The following PDHX variants were observed in gnomAD, a reference collection of about 807,000 sequenced individuals.
PDHX encodes the protein pyruvate dehydrogenase complex component X, also known as pyruvate dehydrogenase protein X component, mitochondrial.
Under a neutral mutation model 55.3 loss-of-function variants are expected in PDHX, and 33 were observed. That is an observed-to-expected ratio of 0.60 (90% CI 0.45 to 0.80). PDHX has a LOEUF of 0.80. Among genes scored for constraint, PDHX ranks in the 30% least tolerant of loss-of-function variants. The pLI is 0.00. For synonymous variants in PDHX, 226 were observed against 219.4 expected (o/e 1.03, Z -0.27); for missense variants, 622 against 619.9 (o/e 1.00, Z -0.04).
intron 7 of PDHX, among the ~76,000 whole-genome samples, chr11:34,974,205 T>G (rs772737864): frequency 3.3e-5 from 5 of 152,222 alleles, no homozygotes; most frequent in Admixed American, 6.5e-5. Flanking sequence ...ATCACCATTC[T>G]TCTTTCTGTT....
At position 34,995,261 on chromosome 11, in the gene PDHX, T is replaced by G. The variant is rs1855837460; in HGVS notation, c.*89T>G. ...TGTTATAGGAAAACAACTTGGTATT[T>G]AAGTATGAAGTGGATGAAATGTTTA... is the stretch of plus-strand genomic sequence containing the variant. On this transcript the variant is annotated 3_prime_UTR_variant, in exon 11 of 11. Coordinates refer to ENST00000227868, the MANE Select transcript of PDHX (RefSeq NM_003477.3). 2 of 1,395,674 alleles carry G rather than the reference T, an allele frequency of 1.4e-6. No individual in the cohort carries two copies. Among genetic ancestry groups the G allele is most frequent in the East Asian group, 4.6e-5 (2 of 43,758 alleles). The allele number at this position is 1,395,674 out of a possible 1,614,324, so 86.5% of individuals were successfully genotyped here. A position where few individuals can be genotyped will look rare whatever the true frequency, so the allele number is the denominator to read the frequency against.
intron 2 of PDHX, among the ~76,000 whole-genome samples, chr11:34,940,151 G>A (rs753005701): frequency 6.6e-6 from 1 of 152,028 alleles, no homozygotes. Flanking sequence ...CTGCTCTGCC[G>A]TGAAGCACTA....
chr11:34,995,107 G>C lies in PDHX; in HGVS notation c.1441G>C (p.Glu481Gln). ...MSSDSRVVDD[E>Q]LATRFLKSFK... ...AAGTGACAGTCGAGTGGTTGATGAC[G>C]AACTGGCAACCAGGTTTCTTAAAAG... Residue 481 changes from glutamate to glutamine, a missense_variant, in exon 11 of 11, where the codon GAA (glutamate) becomes CAA (glutamine). Physicochemically the swap from Glu to Gln is conservative, Grantham distance 29 (BLOSUM62 2). Coordinates refer to ENST00000227868, the MANE Select transcript of PDHX (RefSeq NM_003477.3). The C allele has an allele frequency of 6.2e-7, 1 of 1,613,994 alleles. No homozygotes were observed. The highest frequency in any genetic ancestry group is 8.5e-7 in the Non-Finnish European group (1 of 1,179,910).
intron 8 of PDHX, among the ~76,000 whole-genome samples, chr11:34,983,377 T>C (rs939017510): frequency 3.3e-5 from 5 of 152,098 alleles, no homozygotes; most frequent in East Asian, 1.9e-4. Context: ...GCAGAGATGC[T>C]CTCTCTCACC....
intron 2 of PDHX, among the ~76,000 whole-genome samples, chr11:34,934,641 G>A (rs1404946593): frequency 2.2e-5 from 3 of 137,908 alleles, no homozygotes; most frequent in Non-Finnish European, 3.0e-5. Flanking sequence ...ATAATGGCGC[G>A]ATCTCTGCTC....
chr11:34,963,422 G>A (rs1032994260), intron 5 of PDHX, among the ~76,000 whole-genome samples: 2 of 152,130 alleles, frequency 1.3e-5, no homozygotes, highest in African/African-American at 4.8e-5. Flanking sequence ...GGGACTACAG[G>A]TGTGCCACCA....
chr11:34,961,076 C>T (rs1855013537), intron 5 of PDHX, among the ~76,000 whole-genome samples: 1 of 152,030 alleles, frequency 6.6e-6, no homozygotes, highest in Admixed American at 6.6e-5. Flanking sequence ...AATAGCTTTG[C>T]TCTTTTTTTA....
chr11:34,956,564 G>A (rs944257389), intron 3 of PDHX, among the ~76,000 whole-genome samples: 1 of 151,966 alleles, frequency 6.6e-6, no homozygotes, highest in African/African-American at 2.4e-5. Flanking sequence ...GGTTTTCTAG[G>A]GACTTCTTTT....
chr11:34,930,179 T>C (rs1824890613), intron 1 of PDHX, among the ~76,000 whole-genome samples: 1 of 152,196 alleles, frequency 6.6e-6, no homozygotes, highest in South Asian at 2.1e-4. Context: ...AGGTTGTCTA[T>C]GATCAGGAAG....
At chr11:34,936,783 C>CTT (rs58582234) in intron 2 of PDHX, among the ~76,000 whole-genome samples, 24 of 78,996 alleles carry the variant, frequency 3.0e-4, no homozygotes, top group African/African-American at 7.6e-4. Flanking sequence ...CTTTTCTTTT[C>CTT]TTTTTTTTTT....
intron 2 of PDHX, among the ~76,000 whole-genome samples, chr11:34,936,783 C>CTTTTCTTTTCT (rs1166368840): frequency 3.4e-4 from 27 of 78,980 alleles, no homozygotes; most frequent in African/African-American, 8.8e-4. Context: ...CTTTTCTTTT[C>CTTTTCTTTTCT]TTTTTTTTTT....
At chr11:34,917,422 T>G (rs2133933236) in intron 1 of PDHX, among the ~76,000 whole-genome samples, 2 of 152,318 alleles carry the variant, frequency 1.3e-5, no homozygotes, top group South Asian at 4.1e-4. Context: ...CAAAAATTTA[T>G]TATAGAAAAT....
chr11:34,930,233 A>T (rs979403250), intron 1 of PDHX, among the ~76,000 whole-genome samples: 9 of 152,234 alleles, frequency 5.9e-5, no homozygotes, highest in Non-Finnish European at 1.0e-4. Context: ...GCATGCTTGC[A>T]TTCTTTCTCC....
intron 9 of PDHX, among the ~76,000 whole-genome samples, chr11:34,986,628 CT>C (rs779077596): frequency 6.6e-5 from 10 of 152,292 alleles, no homozygotes; most frequent in Admixed American, 2.0e-4. Context: ...ACCAAATTTA[CT>C]GCTATAATAC....
At chr11:34,962,602 G>C (rs965881564) in intron 5 of PDHX, among the ~76,000 whole-genome samples, 4 of 152,118 alleles carry the variant, frequency 2.6e-5, no homozygotes, top group African/African-American at 9.7e-5. Flanking sequence ...AGATAATAAA[G>C]CAATAGTTAT....
intron 5 of PDHX, 29 bp from the exon 6 acceptor site, chr11:34,966,611 A>T: frequency 1.2e-6 from 2 of 1,609,272 alleles, no homozygotes; most frequent in Non-Finnish European, 1.7e-6. Flanking sequence ...ATTGCTAATT[A>T]TGGTTATCTA....
In PDHX at chr11:34,984,594, T is replaced by C. The variant is rs139509954; in HGVS notation, c.1048T>C (p.Trp350Arg). The change falls in exon 9 of 11, where the codon TGG becomes CGG. Residue 350 changes from tryptophan (W) to arginine (R), a missense_variant. Transcript: ENST00000227868. Reference sequence around the variant, plus strand: ...GCAAATGCCAGATGTTAATGTAAGCTGGGATGGAGAGGGCCCAAAGCAACT... The same window carrying C: ...GCAAATGCCAGATGTTAATGTAAGCCGGGATGGAGAGGGCCCAAAGCAACT... ...LKQMPDVNVSWDGEGPKQLPF... is the reference protein window; with the variant it reads ...LKQMPDVNVSRDGEGPKQLPF... 21 of 1,614,088 alleles carry C rather than the reference T, an allele frequency of 1.3e-5. No individual in the cohort carries two copies. The highest frequency in any genetic ancestry group is 1.8e-5 in the Non-Finnish European group (21 of 1,179,974).
intron 5 of PDHX, among the ~76,000 whole-genome samples, chr11:34,965,413 CTCT>C (rs1191677207): frequency 6.6e-6 from 1 of 152,192 alleles, no homozygotes; most frequent in Non-Finnish European, 1.5e-5. Context: ...TACTTCAAGT[CTCT>C]TCTTCCAGGA....
intron 3 of PDHX, among the ~76,000 whole-genome samples, chr11:34,948,497 G>A (rs1854678251): frequency 6.6e-6 from 1 of 151,258 alleles, no homozygotes; most frequent in Admixed American, 6.6e-5. Flanking sequence ...CTACACTTCA[G>A]AATGCTATAC....
Sources: gnomAD v4.1 joint callset for allele counts (sites outside exome capture counted in the v4.1 genomes callset) on GRCh38, gnomAD v4.1.1 for gene constraint, MANE v1.5 for transcripts, NCBI Gene and HGNC (gene_info 2026-07-23, HGNC 2026-07-21) for gene names.